Variants in SYT1 observed in about 807,000 individuals in gnomAD.
SYT1 encodes the protein synaptotagmin 1.
A neutral mutation model predicts 44.8 loss-of-function variants in SYT1; 8 were observed. The ratio of observed to expected loss-of-function variants is 0.18; its 90% CI spans 0.10 to 0.32. The LOEUF (loss-of-function observed/expected upper bound fraction) is 0.32. SYT1 is among the 10% of genes least tolerant of loss of function. The probability of loss-of-function intolerance (pLI) is 1.00; values close to 1 mark genes in which losing one functional copy is unlikely to be tolerated. For missense variants in SYT1, 286 were observed against 509.3 expected (o/e 0.56, Z 4.22); for synonymous variants, 154 against 188.8 (o/e 0.82, Z 1.51).
chr12:79,046,262 T>C (rs192397559), intron 2 of SYT1: 1 of 152,342 alleles, frequency 6.6e-6, no homozygotes, highest in Admixed American at 6.5e-5. Context: ...GTTACCTATG[T>C]GACCCAATAG....
At chr12:78,957,471 A>G (rs1879272498) in intron 1 of SYT1, among the ~76,000 whole-genome samples, 1 of 152,110 alleles carries the variant, frequency 6.6e-6, no homozygotes, top group Non-Finnish European at 1.5e-5. Context: ...TAATACTTAC[A>G]TTATTTCAAC....
At chr12:79,101,139 A>G (rs1192391565) in intron 3 of SYT1, among the ~76,000 whole-genome samples, 1 of 152,206 alleles carries the variant, frequency 6.6e-6, no homozygotes, top group Non-Finnish European at 1.5e-5. Context: ...TAAGGTAAGA[A>G]CAGATATTTG....
intron 2 of SYT1, among the ~76,000 whole-genome samples, chr12:79,022,830 T>C (rs1417255894): frequency 6.6e-6 from 1 of 151,758 alleles, no homozygotes; most frequent in Non-Finnish European, 1.5e-5. Flanking sequence ...TAAGCTTCTT[T>C]ACTGAGTAAA....
chr12:79,078,131 C>T lies in SYT1; in HGVS notation c.-18+30769C>T, dbSNP rs74110132. 8.9e-3 allele frequency among the ~76,000 whole-genome samples: 1,361 copies of T among 152,164 alleles called. 27 individuals are homozygous for T. Among genetic ancestry groups the T allele is most frequent in the African/African-American group, 0.03 (1,263 of 41,526 alleles). On this transcript the variant is annotated intron_variant, in intron 3 of 10. Transcript: ENST00000261205. ...TATAAAATTAAGGTTGCCTTTTTCC[C>T]TTTACTCACTGGTCATTGTCCAGTT... is the stretch of plus-strand genomic sequence containing the variant.
chr12:79,172,841 T>G (rs965082026), intron 3 of SYT1, among the ~76,000 whole-genome samples: 2 of 151,476 alleles, frequency 1.3e-5, no homozygotes, highest in Admixed American at 1.3e-4. Context: ...TTGGAAATAC[T>G]ATGATCATTT....
At chr12:79,123,309 A>ATTGTG (rs1868311224) in intron 3 of SYT1, among the ~76,000 whole-genome samples, 1 of 141,542 alleles carries the variant, frequency 7.1e-6, no homozygotes, top group Non-Finnish European at 1.5e-5. Flanking sequence ...TAAAAATGCA[A>ATTGTG]TGTGTGTGTG....
chr12:78,915,920 G>A (rs924568488), intron 1 of SYT1, among the ~76,000 whole-genome samples: 7 of 151,926 alleles, frequency 4.6e-5, no homozygotes, highest in Non-Finnish European at 1.0e-4. Flanking sequence ...ATTCCCTAAT[G>A]CATAAGGATA....
chr12:78,876,736 T>TATATGTAATACATATC, intron 1 of SYT1, among the ~76,000 whole-genome samples: 1 of 97,454 alleles, frequency 1.0e-5, no homozygotes, highest in Non-Finnish European at 2.0e-5. Flanking sequence ...AATTATATAT[T>TATATGTAATACATATC]ATATATTATA....
chr12:79,126,889 T>C (rs914332686), intron 3 of SYT1, among the ~76,000 whole-genome samples: 11 of 152,198 alleles, frequency 7.2e-5, no homozygotes, highest in African/African-American at 2.2e-4. Context: ...CTGAATTCAG[T>C]AAAACTCTGG....
chr12:79,318,618 A>G (rs904950573), intron 8 of SYT1, among the ~76,000 whole-genome samples: 40 of 152,342 alleles, frequency 2.6e-4, no homozygotes, highest in African/African-American at 8.9e-4. Context: ...TAAGCTGCAG[A>G]TACTCTGGAA....
At chr12:79,207,209 T>C (rs1184015539) in intron 3 of SYT1, among the ~76,000 whole-genome samples, 1 of 152,176 alleles carries the variant, frequency 6.6e-6, no homozygotes, top group Non-Finnish European at 1.5e-5. Context: ...GCATGAGCTC[T>C]TTCCCACCTT....
intron 1 of SYT1, among the ~76,000 whole-genome samples, chr12:78,875,773 C>T (rs1319604620): frequency 6.6e-6 from 1 of 151,568 alleles, no homozygotes; most frequent in Non-Finnish European, 1.5e-5. Context: ...ATAGAATATA[C>T]ACTGTTTTTA....
chr12:78,954,355 G>A (rs1879110214), intron 1 of SYT1, among the ~76,000 whole-genome samples: 1 of 151,948 alleles, frequency 6.6e-6, no homozygotes, highest in African/African-American at 2.4e-5. Flanking sequence ...GACTTGAGGA[G>A]CAGGTATTTG....
chr12:79,040,030 C>T (rs1207629712), intron 2 of SYT1, among the ~76,000 whole-genome samples: 69 of 151,746 alleles, frequency 4.5e-4, no homozygotes, highest in African/African-American at 1.5e-3. Context: ...CATTGTTGGA[C>T]ATTTGGGTTG....
chr12:78,919,463 C>T (rs1413170111), intron 1 of SYT1, among the ~76,000 whole-genome samples: 1 of 152,046 alleles, frequency 6.6e-6, no homozygotes, highest in Non-Finnish European at 1.5e-5. Flanking sequence ...GTGCCACAGC[C>T]TTTGACCCCT....
intron 1 of SYT1, among the ~76,000 whole-genome samples, chr12:78,915,977 T>C (rs942529159): frequency 6.6e-6 from 1 of 152,068 alleles, no homozygotes; most frequent in East Asian, 1.9e-4. Flanking sequence ...TATTTAATTA[T>C]GTTGTGTTGA....
rs12826209 is a variant in SYT1, at chr12:79,203,097, T to A, written c.-17-14406T>A. ...ATAATAAGCCTATGGAAAAAAAAATTTTTTTATTGTGAAAATGAGATTGTT... is the reference window on the plus strand; with the variant it reads ...ATAATAAGCCTATGGAAAAAAAAATATTTTTATTGTGAAAATGAGATTGTT... On this transcript the variant is annotated intron_variant, in intron 3 of 10. Coordinates refer to ENST00000261205, the MANE Select transcript of SYT1 (RefSeq NM_005639.3). Among the ~76,000 whole-genome samples the A allele has an allele frequency of 1.6e-3, 214 of 131,140 alleles. 1 individual carries two copies. Among genetic ancestry groups the A allele is most frequent in the African/African-American group, 6.0e-3 (206 of 34,258 alleles). The allele number at this position is 131,140 out of a possible 152,430, so 86.0% of individuals were successfully genotyped here. A position where few individuals can be genotyped will look rare whatever the true frequency, so the allele number is the denominator to read the frequency against.
rs145651504 is a variant in SYT1 at position 78,904,256 on chromosome 12, T to C, written c.-217+39147T>C. On this transcript the variant is annotated intron_variant, in intron 1 of 10. Transcript: ENST00000261205. The stretch of plus-strand genomic sequence containing the variant: ...GTGAGATTTTAAATTGGTCATGATC[T>C]GCATATGACTTAGCCTTATGATACT... 2.1e-3 allele frequency among the ~76,000 whole-genome samples: 316 copies of C among 152,308 alleles called. 2 individuals carry two copies. Among genetic ancestry groups the C allele is most frequent in the African/African-American group, 7.4e-3 (307 of 41,588 alleles).
At chr12:79,126,613 C>T (rs993601293) in intron 3 of SYT1, among the ~76,000 whole-genome samples, 3 of 152,086 alleles carry the variant, frequency 2.0e-5, no homozygotes, top group African/African-American at 7.2e-5. Flanking sequence ...AGTGAAATAG[C>T]GACTTTGGAG....
Sources: allele counts gnomAD v4.1 joint callset (sites outside exome capture counted in the v4.1 genomes callset), GRCh38; gene constraint gnomAD v4.1.1; transcripts MANE v1.5; gene names NCBI Gene and HGNC (gene_info 2026-07-23, HGNC 2026-07-21).